Variants in CDC37L1 observed in about 807,000 individuals in gnomAD.
The protein encoded by CDC37L1 is cell division cycle 37 like 1, HSP90 cochaperone.
CDC37L1 carries 32 observed loss-of-function variants against 45.9 expected under a neutral mutation model. That is an observed-to-expected ratio of 0.70 (90% confidence interval 0.53 to 0.94). The LOEUF is 0.94. Ranked by LOEUF, CDC37L1 falls within the 40% of genes least tolerant of loss-of-function variation. The probability of loss-of-function intolerance (pLI) is 0.00; values close to 1 mark genes in which losing one functional copy is unlikely to be tolerated. For missense variants in CDC37L1, 434 were observed against 405.7 expected, an observed-to-expected ratio of 1.07 and a Z score of -0.60; for synonymous variants, 150 against 133.0, an observed-to-expected ratio of 1.13 and a Z score of -0.88.
chr9:4,704,095 T>C (rs1841423002), intron 6 of CDC37L1, among the ~76,000 whole-genome samples: 1 of 152,210 alleles, frequency 6.6e-6, no homozygotes, highest in African/African-American at 2.4e-5. Flanking sequence ...ATCATCAGTT[T>C]AGAGGTTTGG....
Position 4,683,701 on chromosome 9 carries a change from C to T in CDC37L1, c.133-1176C>T, listed in dbSNP as rs77637966. ...CACTCCAGTCTAGTGGAGTGGAGAA[C>T]GGCTTGGGATAAGAGTCTGCATTTG... On this transcript the variant is annotated intron_variant, in intron 1 of 6. Transcript: ENST00000381854. Among the ~76,000 whole-genome samples, 38 of 152,136 alleles carry T rather than the reference C, an allele frequency of 2.5e-4. No homozygotes were observed. The East Asian group carries it at 5.6e-3, about 22-fold the overall frequency.
chr9:4,699,484 G>A (rs367975557), intron 5 of CDC37L1, among the ~76,000 whole-genome samples: 1 of 152,010 alleles, frequency 6.6e-6, no homozygotes, highest in African/African-American at 2.4e-5. Flanking sequence ...AAAAACAAGA[G>A]AGTGAATCAA....
In CDC37L1 at chr9:4,685,093, C is replaced by A; in HGVS notation, c.349C>A (p.Leu117Ile). ...EEEWRQKEEA[L>I]VQREKMCLWS... The stretch of plus-strand genomic sequence containing the variant: ...AGAGTGGCGACAGAAAGAAGAAGCT[C>A]TAGTACAAAGAGAGAAGATGTGTCT... Residue 117 changes from leucine to isoleucine, a missense_variant, in exon 2 of 7, where the codon CTA becomes ATA. By Grantham distance (5) the Leu-to-Ile change is conservative (BLOSUM62 2). Transcript: ENST00000381854. The A allele has an allele frequency of 6.2e-7, 1 of 1,613,720 alleles. No homozygotes were observed. The highest frequency in any genetic ancestry group is 1.3e-5 in the African/African-American group (1 of 74,988).
chr9:4,698,698 G>C (rs1307938971), intron 5 of CDC37L1, among the ~76,000 whole-genome samples: 2 of 152,034 alleles, frequency 1.3e-5, no homozygotes, highest in Admixed American at 6.6e-5. Context: ...CTCAAGGTGG[G>C]GTCCAGGAAC....
intron 2 of CDC37L1, among the ~76,000 whole-genome samples, chr9:4,687,434 G>C (rs913160003): frequency 6.6e-6 from 1 of 152,012 alleles, no homozygotes; most frequent in African/African-American, 2.4e-5. Context: ...ATCCCAGCAC[G>C]TTGGAAGGCC....
rs969646290 is a variant in CDC37L1 at position 4,697,324 on chromosome 9, G to A, written c.624+113G>A. 39 of 635,552 alleles carry A rather than the reference G, an allele frequency of 6.1e-5. No homozygotes were observed. In the South Asian group the frequency reaches 7.1e-4, roughly 12 times the overall value. 39.4% of individuals were successfully genotyped at this position (635,552 alleles called of 1,614,324 possible). A position where few individuals can be genotyped will look rare whatever the true frequency, so the allele number is the denominator to read the frequency against. On this transcript the variant is annotated intron_variant, in intron 4 of 6. Transcript: ENST00000381854. ...TAAGTCCTTTAAAAGAAAGCAGGAA[G>A]GTCATTAGATGGAATTACCATTTTT... is the stretch of plus-strand genomic sequence containing the variant.
In CDC37L1 at chr9:4,692,624, C is replaced by A. The variant is rs560617563; in HGVS notation, c.508+4018C>A. Among the ~76,000 whole-genome samples the A allele has an allele frequency of 2.6e-5, 4 of 152,208 alleles. No homozygotes were observed. The East Asian group carries it at 7.7e-4, about 29-fold the overall frequency. ...AAAATATGCCTGGAAGGAAATACAT[C>A]AAAATGTTAACAGTAATCTCTTGTG... On this transcript the variant is annotated intron_variant, in intron 3 of 6. Transcript: ENST00000381854.
intron 6 of CDC37L1, among the ~76,000 whole-genome samples, chr9:4,702,811 C>T (rs995031757): frequency 2.0e-5 from 3 of 150,354 alleles, no homozygotes; most frequent in Non-Finnish European, 3.0e-5. Context: ...ATGGCGTGAA[C>T]CCGGGAGGCA....
In CDC37L1 at chr9:4,682,804, T is replaced by A. The variant is rs567951748; in HGVS notation, c.133-2073T>A. ...AGTTTTATATACAAAAGTTCTTACA[T>A]CTTTTCTTACAAAATAAGTTATATA... is the stretch of plus-strand genomic sequence containing the variant. On this transcript the variant is annotated intron_variant, in intron 1 of 6. Coordinates refer to ENST00000381854, the MANE Select transcript of CDC37L1 (RefSeq NM_017913.4). 1.8e-3 allele frequency among the ~76,000 whole-genome samples: 271 copies of A among 152,106 alleles called. 2 individuals carry two copies. Among genetic ancestry groups the A allele is most frequent in the Middle Eastern group, 0.01 (3 of 292 alleles).
chr9:4,690,391 C>T (rs1168844339), intron 3 of CDC37L1, among the ~76,000 whole-genome samples: 1 of 151,840 alleles, frequency 6.6e-6, no homozygotes, highest in Non-Finnish European at 1.5e-5. Context: ...GCTGGCTGAT[C>T]TCTGCAGTGC....
intron 4 of CDC37L1, among the ~76,000 whole-genome samples, 162 bp from the exon 5 acceptor site, chr9:4,697,595 T>C (rs1554622930): frequency 6.7e-6 from 1 of 148,824 alleles, no homozygotes; most frequent in Non-Finnish European, 1.5e-5. Context: ...ATACAAATAA[T>C]AAAAAAAAAA....
chr9:4,699,694 A>T (rs1055783899), intron 5 of CDC37L1, among the ~76,000 whole-genome samples: 20 of 152,206 alleles, frequency 1.3e-4, no homozygotes, highest in Admixed American at 7.2e-4. Context: ...TACAATAATG[A>T]TAACCTCAGG....
intron 2 of CDC37L1, among the ~76,000 whole-genome samples, chr9:4,686,549 GTAAAGT>G (rs1388067337): frequency 6.6e-6 from 1 of 152,002 alleles, no homozygotes; most frequent in Non-Finnish European, 1.5e-5. Flanking sequence ...TTCTTGTTTT[GTAAAGT>G]TAATGTCTCT....
chr9:4,699,359 A>C (rs930039725), intron 5 of CDC37L1, among the ~76,000 whole-genome samples: 3 of 152,190 alleles, frequency 2.0e-5, no homozygotes, highest in Non-Finnish European at 4.4e-5. Flanking sequence ...GTATAATGCA[A>C]ATATTCCCAG....
At chr9:4,692,593 C>A (rs192457118) in intron 3 of CDC37L1, among the ~76,000 whole-genome samples, 9 of 152,158 alleles carry the variant, frequency 5.9e-5, no homozygotes, top group African/African-American at 2.2e-4. Context: ...TTTAAAAAGT[C>A]ATTCAAAAAT....
At chr9:4,689,018 A>G (rs898866330) in intron 3 of CDC37L1, among the ~76,000 whole-genome samples, 1 of 152,156 alleles carries the variant, frequency 6.6e-6, no homozygotes, top group African/African-American at 2.4e-5. Context: ...AGATCCTTGA[A>G]CTGTTACTCA....
intron 6 of CDC37L1, among the ~76,000 whole-genome samples, chr9:4,702,775 G>C (rs1841411066): frequency 1.3e-5 from 2 of 150,990 alleles, no homozygotes; most frequent in South Asian, 4.2e-4. Flanking sequence ...TGCAGTCCCA[G>C]CTACTCGGGA....
intron 3 of CDC37L1, among the ~76,000 whole-genome samples, chr9:4,694,818 T>C (rs1047581029): frequency 1.6e-4 from 24 of 151,970 alleles, no homozygotes; most frequent in African/African-American, 4.8e-4. Context: ...TGCAGTGAGC[T>C]GAGATCGTGT....
intron 3 of CDC37L1, among the ~76,000 whole-genome samples, chr9:4,689,861 T>C (rs1007070427): frequency 2.0e-5 from 3 of 152,224 alleles, no homozygotes; most frequent in African/African-American, 7.2e-5. Flanking sequence ...TAGTACCATA[T>C]ACTGATTGCT....
Sources: gnomAD v4.1 joint callset for allele counts (sites outside exome capture counted in the v4.1 genomes callset) on GRCh38, gnomAD v4.1.1 for gene constraint, MANE v1.5 for transcripts, NCBI Gene and HGNC (gene_info 2026-07-23, HGNC 2026-07-21) for gene names.